SMARCA2: variants seen among roughly 807,000 people sequenced by gnomAD.
SMARCA2 encodes SWI/SNF related BAF chromatin remodeling complex subunit ATPase 2, also known as SWI/SNF-related matrix-associated actin-dependent regulator of chromatin subfamily A member 2.
In SMARCA2, 61 loss-of-function variants were observed where a neutral mutation model predicts 199.8. That is an observed-to-expected ratio of 0.31 (90% CI 0.25 to 0.38). The LOEUF is 0.38. Among genes scored for constraint, SMARCA2 ranks in the 10% least tolerant of loss-of-function variants. SMARCA2 has a pLI of 1.00. For synonymous variants in SMARCA2, 935 were observed against 732.0 expected (o/e 1.28, Z -4.48); for missense variants, 1,344 against 2,012.2 (o/e 0.67, Z 6.35).
At position 2,088,879 on chromosome 9, in the gene SMARCA2, A is replaced by ATTTTTTTTTTTTT. The variant is rs375056248; in HGVS notation, c.2883+269_2883+281dup. Among the ~76,000 whole-genome samples the ATTTTTTTTTTTTT allele has an allele frequency of 0.1, 13,642 of 136,330 alleles. 828 individuals carry two copies. Among genetic ancestry groups the ATTTTTTTTTTTTT allele is most frequent in the East Asian group, 0.16 (741 of 4,672 alleles). The allele number at this position is 136,330 out of a possible 152,430, so 89.4% of individuals were successfully genotyped here. ...AGTCTCATTTACATTTTAATTTTAG[A>ATTTTTTTTTTTTT]TTTTTTTTTTTTTTTAAATTACGGA... On this transcript the variant is annotated intron_variant, in intron 19 of 33. Transcript: ENST00000349721.
intron 3 of SMARCA2, among the ~76,000 whole-genome samples, chr9:2,038,576 A>G (rs1364007228): frequency 2.0e-5 from 3 of 152,196 alleles, no homozygotes; most frequent in African/African-American, 4.8e-5. Context: ...TCCTGAAATA[A>G]TTTGGAGGCA....
chr9:2,098,359 CT>C (rs2130532479), intron 21 of SMARCA2, among the ~76,000 whole-genome samples: 1 of 152,306 alleles, frequency 6.6e-6, no homozygotes, highest in African/African-American at 2.4e-5. Flanking sequence ...TTGGAGCACT[CT>C]TCTTTTCGAA....
At chr9:2,132,284 G>T (rs906683915) in intron 27 of SMARCA2, among the ~76,000 whole-genome samples, 1 of 152,212 alleles carries the variant, frequency 6.6e-6, no homozygotes, top group Non-Finnish European at 1.5e-5. Context: ...TCTGCCTAGA[G>T]ATCTTGCAAG....
At chr9:2,029,475 A>T (rs1818969251) in intron 2 of SMARCA2, among the ~76,000 whole-genome samples, 1 of 152,246 alleles carries the variant, frequency 6.6e-6, no homozygotes. Context: ...ACTGACATAG[A>T]CTATGCAGTT....
intron 5 of SMARCA2, among the ~76,000 whole-genome samples, chr9:2,049,233 T>C (rs1391341127): frequency 6.6e-6 from 1 of 152,238 alleles, no homozygotes; most frequent in Non-Finnish European, 1.5e-5. Flanking sequence ...TTTAACTTTT[T>C]ATTTTGCTAA....
intron 25 of SMARCA2, among the ~76,000 whole-genome samples, chr9:2,118,429 C>T (rs1586724034): frequency 6.6e-6 from 1 of 152,212 alleles, no homozygotes; most frequent in East Asian, 1.9e-4. Context: ...CCGACACAGT[C>T]ATCTCATTTG....
Position 2,191,199 on chromosome 9 carries a change from TTACCACC to T in SMARCA2, c.4595-64_4595-58del. ...TGTTGTCTGTAGGTTGGTGATAGTC[TTACCACC>T]TATACAAAGATCTCCTTGTGATTAC... On this transcript the variant is annotated intron_variant, in intron 32 of 33. Transcript: ENST00000349721. 3 of 1,476,382 alleles carry T rather than the reference TTACCACC, an allele frequency of 2.0e-6. No individual in the cohort carries two copies. In the South Asian group the frequency reaches 3.5e-5, roughly 17 times the overall value. The allele number at this position is 1,476,382 out of a possible 1,614,324, so 91.5% of individuals were successfully genotyped here.
chr9:2,174,393 T>G (rs979630227), intron 29 of SMARCA2, among the ~76,000 whole-genome samples: 3 of 152,208 alleles, frequency 2.0e-5, no homozygotes, highest in Admixed American at 2.0e-4. Flanking sequence ...GAAAAAAATC[T>G]GTCTCACTCC....
intron 27 of SMARCA2, among the ~76,000 whole-genome samples, chr9:2,151,746 A>T (rs1044550878): frequency 2.6e-5 from 4 of 152,118 alleles, no homozygotes; most frequent in Non-Finnish European, 4.4e-5. Flanking sequence ...AATAAAAAAT[A>T]AATGAATTAA....
At chr9:2,150,981 A>G (rs951227281) in intron 27 of SMARCA2, among the ~76,000 whole-genome samples, 8 of 151,622 alleles carry the variant, frequency 5.3e-5, no homozygotes, top group African/African-American at 1.7e-4. Context: ...TACAGTCACA[A>G]TCTAAAGTCT....
intron 3 of SMARCA2, among the ~76,000 whole-genome samples, chr9:2,035,136 G>C (rs1819269365): frequency 6.6e-6 from 1 of 151,772 alleles, no homozygotes; most frequent in Non-Finnish European, 1.5e-5. Flanking sequence ...CTACCTCCCG[G>C]GTTCAAGCGA....
intron 12 of SMARCA2, 127 bp from the exon 13 acceptor site, chr9:2,076,098 TCCTC>T (rs1392581429): frequency 1.6e-6 from 1 of 628,648 alleles, no homozygotes; most frequent in East Asian, 2.8e-5. Context: ...TACATTTACT[TCCTC>T]CCTGAATTTT....
At chr9:2,069,549 A>G (rs1821000900) in intron 9 of SMARCA2, among the ~76,000 whole-genome samples, 1 of 150,150 alleles carries the variant, frequency 6.7e-6, no homozygotes, top group Admixed American at 6.6e-5. Context: ...ACAGAGCAAG[A>G]CTCTGTCTCA....
chr9:2,135,403 A>T (rs140727665), intron 27 of SMARCA2, among the ~76,000 whole-genome samples: 2 of 152,310 alleles, frequency 1.3e-5, no homozygotes, highest in African/African-American at 4.8e-5. Flanking sequence ...TTTACCAACT[A>T]TCTGGGCATC....
chr9:2,100,153 C>T (rs1005990917), intron 21 of SMARCA2, among the ~76,000 whole-genome samples: 1 of 152,200 alleles, frequency 6.6e-6, no homozygotes, highest in East Asian at 1.9e-4. Flanking sequence ...GAAGGTGTAA[C>T]CTGCTCTCCA....
At chr9:2,113,680 C>T (rs1293615927) in intron 24 of SMARCA2, among the ~76,000 whole-genome samples, 2 of 152,174 alleles carry the variant, frequency 1.3e-5, no homozygotes, top group Non-Finnish European at 2.9e-5. Flanking sequence ...CACCACCAAA[C>T]GAAACTTAAC....
chr9:2,160,483 ACAAAACCTTTCTTTTT>A (rs763985885), intron 27 of SMARCA2: 6 of 583,418 alleles, frequency 1.0e-5, no homozygotes, highest in Non-Finnish European at 1.9e-5. Context: ...GGTTTTCTTC[ACAAAACCTTTCTTTTT>A]CAGGAAGCGT....
intron 8 of SMARCA2, among the ~76,000 whole-genome samples, chr9:2,059,169 C>T (rs1036070700): frequency 4.6e-5 from 7 of 151,690 alleles, no homozygotes; most frequent in African/African-American, 1.7e-4. Flanking sequence ...TTTAGAAAAG[C>T]GTGTGTGTGT....
chr9:2,132,760 T>C (rs1209602881), intron 27 of SMARCA2, among the ~76,000 whole-genome samples: 1 of 152,234 alleles, frequency 6.6e-6, no homozygotes, highest in Non-Finnish European at 1.5e-5. Context: ...AGGGTGGAAG[T>C]ACTGAACTAA....
Sources: gnomAD v4.1 joint callset for allele counts (sites outside exome capture counted in the v4.1 genomes callset) on GRCh38, gnomAD v4.1.1 for gene constraint, MANE v1.5 for transcripts, NCBI Gene and HGNC (gene_info 2026-07-23, HGNC 2026-07-21) for gene names.